The following IFT56 variants were observed in gnomAD, a reference collection of about 807,000 sequenced individuals.
IFT56 encodes intraflagellar transport 56.
the IFT56 span, chr7:139,187,334 T>C: frequency 2.6e-6 from 4 of 1,558,202 alleles, no homozygotes; most frequent in South Asian, 4.8e-5. Flanking sequence ...CGTTTCATGT[T>C]ATCTTTATGT....
the IFT56 span, among the ~76,000 whole-genome samples, chr7:139,155,931 T>G: frequency 6.6e-6 from 1 of 152,132 alleles, no homozygotes; most frequent in African/African-American, 2.4e-5. Flanking sequence ...TTTAAATCAT[T>G]AATCCAATTT....
the IFT56 span, among the ~76,000 whole-genome samples, chr7:139,163,211 G>A: frequency 1.3e-5 from 2 of 150,682 alleles, no homozygotes; most frequent in Admixed American, 6.6e-5. Flanking sequence ...GTGTTATGGC[G>A]GGTGCCTTTA....
chr7:139,184,829 C>T, the IFT56 span, among the ~76,000 whole-genome samples: 2,070 of 149,722 alleles, frequency 0.014, 25 homozygotes, highest in Middle Eastern at 0.027. Context: ...CTGAGGCGGG[C>T]GGATCACAAG....
chr7:139,181,192 C>G, the IFT56 span: 1 of 1,607,750 alleles, frequency 6.2e-7, no homozygotes, highest in Non-Finnish European at 8.5e-7. Context: ...CTAATGACTG[C>G]TACAAGGTGA....
At chr7:139,157,431 G>A in the IFT56 span, among the ~76,000 whole-genome samples, 1 of 151,100 alleles carries the variant, frequency 6.6e-6, no homozygotes, top group Non-Finnish European at 1.5e-5. Context: ...ACAGGTGTGA[G>A]CCACCGTGCC....
the IFT56 span, chr7:139,146,948 A>G: frequency 4.0e-6 from 6 of 1,493,430 alleles, no homozygotes; most frequent in Admixed American, 8.0e-5. Flanking sequence ...TTGTCAAGCT[A>G]TGCCTCCAGA....
the IFT56 span, chr7:139,142,413 T>C: frequency 2.3e-5 from 23 of 1,018,768 alleles, no homozygotes; most frequent in Non-Finnish European, 3.1e-5. Context: ...TTCTTGTTAA[T>C]GGTTTTCTAG....
chr7:139,182,287 C>T, the IFT56 span, among the ~76,000 whole-genome samples: 1 of 151,944 alleles, frequency 6.6e-6, no homozygotes, highest in Non-Finnish European at 1.5e-5. Context: ...AATTAATCAA[C>T]AAAAGCTCAT....
the IFT56 span, chr7:139,148,082 T>G: frequency 1.3e-6 from 1 of 784,806 alleles, no homozygotes; most frequent in Non-Finnish European, 2.0e-6. Flanking sequence ...GATCATATCT[T>G]GCCCTCTTTC....
chr7:139,178,570 C>T, the IFT56 span: 27 of 1,614,030 alleles, frequency 1.7e-5, no homozygotes, highest in Non-Finnish European at 2.3e-5. Flanking sequence ...GCCAAAGCTG[C>T]AACAGGCAAT....
chr7:139,140,713 T>G, the IFT56 span, among the ~76,000 whole-genome samples: 4 of 136,212 alleles, frequency 2.9e-5, no homozygotes, highest in Admixed American at 8.3e-5. Context: ...AGGCGGAGGT[T>G]GCAGTGAGCC....
chr7:139,146,797 A>G, the IFT56 span, among the ~76,000 whole-genome samples: 1 of 151,656 alleles, frequency 6.6e-6, no homozygotes, highest in Non-Finnish European at 1.5e-5. Context: ...AGAAAGAAAG[A>G]ACAGATTAAA....
At chr7:139,147,910 T>C in the IFT56 span, among the ~76,000 whole-genome samples, 1 of 152,238 alleles carries the variant, frequency 6.6e-6, no homozygotes, top group Admixed American at 6.5e-5. Flanking sequence ...TCTTGTCTGT[T>C]GGTCTTCTGT....
the IFT56 span, among the ~76,000 whole-genome samples, chr7:139,135,797 G>A: frequency 6.6e-6 from 1 of 152,030 alleles, no homozygotes; most frequent in Non-Finnish European, 1.5e-5. Context: ...TGGTTGTGTT[G>A]TACCACACTC....
chr7:139,165,071 A>T, the IFT56 span: 1 of 1,367,236 alleles, frequency 7.3e-7, no homozygotes, highest in Non-Finnish European at 1.0e-6. Context: ...CTCCTTAAAC[A>T]TTGTCACCAA....
the IFT56 span, chr7:139,147,426 T>A: frequency 1.4e-4 from 108 of 778,610 alleles, no homozygotes; most frequent in Admixed American, 2.9e-3. Context: ...TTTGGTGAGA[T>A]TAAGAATTAG....
the IFT56 span, chr7:139,181,121 T>C: frequency 1.2e-6 from 2 of 1,612,054 alleles, no homozygotes; most frequent in Non-Finnish European, 1.7e-6. Flanking sequence ...AAGACTAGCC[T>C]GGGAACTTTA....
chr7:139,151,496 T>TTTC, the IFT56 span, among the ~76,000 whole-genome samples: 1 of 152,094 alleles, frequency 6.6e-6, no homozygotes, highest in Non-Finnish European at 1.5e-5. Context: ...TGGAATCAGA[T>TTTC]AGACCCAAAT....
chr7:139,147,982 G>A, the IFT56 span, among the ~76,000 whole-genome samples: 2 of 152,104 alleles, frequency 1.3e-5, no homozygotes, highest in East Asian at 3.8e-4. Flanking sequence ...TGTGAACAGC[G>A]TGAACTTTCC....
Sources: gnomAD v4.1 joint callset for allele counts (sites outside exome capture counted in the v4.1 genomes callset) on GRCh38, gnomAD v4.1.1 for gene constraint, MANE v1.5 for transcripts, NCBI Gene and HGNC (gene_info 2026-07-23, HGNC 2026-07-21) for gene names.